Variants in KDM2A observed in about 807,000 individuals in gnomAD.
KDM2A encodes lysine-specific demethylase 2A.
In KDM2A, 3 loss-of-function variants were observed where a neutral mutation model predicts 137.3. The observed-to-expected ratio is 0.02, with a 90% CI of 0.01 to 0.06. The LOEUF is 0.06. Ranked by LOEUF, KDM2A falls within the 10% of genes least tolerant of loss-of-function variation. KDM2A has a pLI of 1.00. For synonymous variants in KDM2A, 512 were observed against 541.5 expected, an observed-to-expected ratio of 0.95 and a Z score of 0.76; for missense variants, 738 against 1,510.6, an observed-to-expected ratio of 0.49 and a Z score of 8.48.
intron 7 of KDM2A, 29 bp downstream of exon 7, chr11:67,215,475 G>A (rs548210799): frequency 6.5e-5 from 95 of 1,456,474 alleles, no homozygotes; most frequent in East Asian, 3.4e-4. Context: ...ATCTTCCTCC[G>A]TGTGCTGTGG....
intron 2 of KDM2A, among the ~76,000 whole-genome samples, chr11:67,122,942 T>TG (rs1423031708): frequency 6.6e-6 from 1 of 152,094 alleles, no homozygotes; most frequent in African/African-American, 2.4e-5. Context: ...CCCAAAGTGC[T>TG]GGGATTACAG....
At chr11:67,165,870 G>A (rs942122067) in intron 2 of KDM2A, among the ~76,000 whole-genome samples, 8 of 151,928 alleles carry the variant, frequency 5.3e-5, no homozygotes, top group African/African-American at 1.9e-4. Context: ...TTAGATTTAC[G>A]GTCAACTTTT....
intron 2 of KDM2A, among the ~76,000 whole-genome samples, chr11:67,159,307 T>G (rs2136315027): frequency 6.6e-6 from 1 of 152,356 alleles, no homozygotes; most frequent in South Asian, 2.1e-4. Flanking sequence ...CCTTTGGTCC[T>G]GTGTCAAAGA....
At chr11:67,246,463 T>G (rs1193293356) in intron 15 of KDM2A, among the ~76,000 whole-genome samples, 2 of 152,112 alleles carry the variant, frequency 1.3e-5, no homozygotes, top group African/African-American at 4.8e-5. Flanking sequence ...GATACATACT[T>G]CAGTGTACCT....
At chr11:67,214,720 C>T (rs1858108161) in intron 6 of KDM2A, among the ~76,000 whole-genome samples, 1 of 152,290 alleles carries the variant, frequency 6.6e-6, no homozygotes, top group Middle Eastern at 3.4e-3. Context: ...GATCTTCCCA[C>T]CTTGGCCTTC....
chr11:67,152,804 TAA>T (rs888104744), intron 2 of KDM2A, among the ~76,000 whole-genome samples: 11 of 152,232 alleles, frequency 7.2e-5, no homozygotes, highest in African/African-American at 2.4e-4. Context: ...TAAGAATATT[TAA>T]GTTATTTAAC....
intron 2 of KDM2A, among the ~76,000 whole-genome samples, chr11:67,149,443 C>A (rs982440505): frequency 6.6e-5 from 10 of 152,054 alleles, no homozygotes; most frequent in African/African-American, 2.4e-4. Flanking sequence ...ATATAACAAG[C>A]CAGTTTTACG....
At chr11:67,242,426 G>A (rs1345453444) in intron 12 of KDM2A, among the ~76,000 whole-genome samples, 1 of 152,150 alleles carries the variant, frequency 6.6e-6, no homozygotes, top group Non-Finnish European at 1.5e-5. Flanking sequence ...TTCTGTATTA[G>A]CAAATCATTT....
chr11:67,210,601 C>T (rs1397083976), intron 6 of KDM2A, among the ~76,000 whole-genome samples: 1 of 151,948 alleles, frequency 6.6e-6, no homozygotes, highest in Non-Finnish European at 1.5e-5. Flanking sequence ...TGAGAGGGCT[C>T]AGAAATAGAA....
chr11:67,200,698 A>T (rs1247064061), intron 5 of KDM2A, among the ~76,000 whole-genome samples: 3 of 151,634 alleles, frequency 2.0e-5, no homozygotes, highest in Non-Finnish European at 2.9e-5. Flanking sequence ...GTAGAGACAC[A>T]GTTTGACCCT....
At chr11:67,164,783 G>T (rs1565384680) in intron 2 of KDM2A, among the ~76,000 whole-genome samples, 1 of 151,982 alleles carries the variant, frequency 6.6e-6, no homozygotes, top group Non-Finnish European at 1.5e-5. Flanking sequence ...ATTTTTAGTG[G>T]AGGTGGGGTT....
At chr11:67,133,254 C>G (rs1385718602) in intron 2 of KDM2A, among the ~76,000 whole-genome samples, 1 of 152,122 alleles carries the variant, frequency 6.6e-6, no homozygotes, top group Non-Finnish European at 1.5e-5. Context: ...CGTGCGCCAC[C>G]ACACTGCGCT....
intron 2 of KDM2A, among the ~76,000 whole-genome samples, chr11:67,138,089 C>T (rs976093776): frequency 6.6e-6 from 1 of 152,120 alleles, no homozygotes; most frequent in African/African-American, 2.4e-5. Context: ...AACCACCGCG[C>T]CTGGCCAAAC....
At chr11:67,243,307 G>A (rs188365085) in intron 13 of KDM2A, among the ~76,000 whole-genome samples, 37 of 152,272 alleles carry the variant, frequency 2.4e-4, no homozygotes, top group Admixed American at 1.5e-3. Flanking sequence ...TATCAAACTG[G>A]GAGGCCTCCC....
intron 2 of KDM2A, among the ~76,000 whole-genome samples, chr11:67,153,824 A>AT (rs1017155187): frequency 8.6e-5 from 13 of 151,814 alleles, no homozygotes; most frequent in African/African-American, 1.9e-4. Context: ...AAAAAAAAAA[A>AT]AAAAAACACC....
At chr11:67,137,415 CAAT>C (rs777951522) in intron 2 of KDM2A, among the ~76,000 whole-genome samples, 19 of 152,164 alleles carry the variant, frequency 1.2e-4, no homozygotes, top group Admixed American at 3.3e-4. Flanking sequence ...TCAGGTAAGA[CAAT>C]GATGTGGTAT....
At chr11:67,147,746 C>G (rs935010399) in intron 2 of KDM2A, among the ~76,000 whole-genome samples, 5 of 151,056 alleles carry the variant, frequency 3.3e-5, no homozygotes, top group African/African-American at 1.2e-4. Flanking sequence ...GGTGCAATCT[C>G]AGCTCACTGC....
chr11:67,230,037 G>T (rs949667503), intron 11 of KDM2A, among the ~76,000 whole-genome samples: 8 of 152,030 alleles, frequency 5.3e-5, no homozygotes, highest in African/African-American at 1.7e-4. Context: ...TTAGCTAGAC[G>T]TGGTGGCAGG....
rs1353156744 is a variant in KDM2A at position 67,180,188 on chromosome 11, C to T, written c.152C>T (p.Ala51Val). The T allele has an allele frequency of 1.2e-6, 2 of 1,613,508 alleles. No homozygotes were observed. Among genetic ancestry groups the T allele is most frequent in the Non-Finnish European group, 1.7e-6 (2 of 1,179,682 alleles). The change falls in exon 3 of 21, where the codon GCC (alanine) becomes GTC (valine). Residue 51 changes from alanine to valine, a missense_variant. Around this residue, in one of 9 missense-constraint regions of KDM2A, gnomAD observed 74 missense variants for 181.8 expected, o/e 0.41. Transcript: ENST00000529006. ...AAACTGCACACCAACAAATATAATGCCAATTTTGTTACTTTTATGGAAGGA... is the reference window on the plus strand; with the variant it reads ...AAACTGCACACCAACAAATATAATGTCAATTTTGTTACTTTTATGGAAGGA... ...EEKLHTNKYNANFVTFMEGKD... is the reference protein window; with the variant it reads ...EEKLHTNKYNVNFVTFMEGKD...
Sources: gnomAD v4.1 joint callset for allele counts (sites outside exome capture counted in the v4.1 genomes callset) on GRCh38, gnomAD v4.1.1 for gene constraint, gnomAD v4.1.1 regional missense constraint, MANE v1.5 for transcripts, NCBI Gene and HGNC (gene_info 2026-07-23, HGNC 2026-07-21) for gene names.